TACR1: variants seen among roughly 807,000 people sequenced by gnomAD.
TACR1 encodes tachykinin receptor 1.
In TACR1, 25 loss-of-function variants were observed where a neutral mutation model predicts 35.8. That is an observed-to-expected ratio of 0.70 (90% confidence interval 0.51 to 0.98). TACR1 has a LOEUF of 0.98. Ranked by LOEUF, TACR1 falls within the 50% of genes least tolerant of loss-of-function variation. TACR1 has a pLI of 0.00. For synonymous variants in TACR1, 195 were observed against 206.7 expected, an observed-to-expected ratio of 0.94 and a Z score of 0.48; for missense variants, 478 against 522.9, an observed-to-expected ratio of 0.91 and a Z score of 0.84.
intron 1 of TACR1, among the ~76,000 whole-genome samples, chr2:75,164,098 C>T (rs560040365): frequency 1.2e-4 from 19 of 152,110 alleles, no homozygotes; most frequent in African/African-American, 4.1e-4. Context: ...GAGGCCGAGG[C>T]GGATGGTTCA....
intron 2 of TACR1, among the ~76,000 whole-genome samples, chr2:75,088,416 C>A (rs1673229740): frequency 6.6e-6 from 1 of 152,154 alleles, no homozygotes; most frequent in African/African-American, 2.4e-5. Flanking sequence ...TATCAAAGTG[C>A]TTATCACAGC....
intron 1 of TACR1, among the ~76,000 whole-genome samples, chr2:75,178,952 A>T (rs1247509712): frequency 6.6e-6 from 1 of 152,154 alleles, no homozygotes; most frequent in Non-Finnish European, 1.5e-5. Context: ...GGGTGATTGT[A>T]TACAGTCCTA....
At chr2:75,101,117 A>C (rs1673526929) in intron 2 of TACR1, among the ~76,000 whole-genome samples, 1 of 152,176 alleles carries the variant, frequency 6.6e-6, no homozygotes. Context: ...GGACAAGTTG[A>C]TTATTCACTG....
At chr2:75,156,079 C>CA (rs1301602965) in intron 1 of TACR1, 1 of 152,242 alleles carries the variant, frequency 6.6e-6, no homozygotes, top group Non-Finnish European at 1.5e-5. Context: ...TATTTGTTTA[C>CA]ATATTGTCTA....
chr2:75,131,954 G>A (rs933528220), intron 1 of TACR1, among the ~76,000 whole-genome samples: 16 of 152,092 alleles, frequency 1.1e-4, no homozygotes, highest in Non-Finnish European at 1.6e-4. Flanking sequence ...TTGGCAAGTT[G>A]CAATTTCTCA....
intron 1 of TACR1, among the ~76,000 whole-genome samples, chr2:75,182,091 G>C (rs948596905): frequency 1.3e-5 from 2 of 152,236 alleles, no homozygotes; most frequent in Non-Finnish European, 2.9e-5. Flanking sequence ...CTAAGGATTA[G>C]ACAGGGCTTG....
At chr2:75,138,116 G>A (rs1360994219) in intron 1 of TACR1, among the ~76,000 whole-genome samples, 1 of 152,210 alleles carries the variant, frequency 6.6e-6, no homozygotes, top group Non-Finnish European at 1.5e-5. Context: ...GGGGTTCGTG[G>A]ATATGCAGCA....
intron 3 of TACR1, 56 bp from the exon 4 acceptor site, chr2:75,051,503 G>A: frequency 6.2e-7 from 1 of 1,600,472 alleles, no homozygotes; most frequent in Non-Finnish European, 8.5e-7. Context: ...TCTCACGGCT[G>A]CTTCCTCTCT....
At chr2:75,197,954 A>T (rs946672530) in intron 1 of TACR1, among the ~76,000 whole-genome samples, 21 of 152,178 alleles carry the variant, frequency 1.4e-4, no homozygotes, top group African/African-American at 5.1e-4. Flanking sequence ...TACTGATGAA[A>T]TGCTCTTTCA....
intron 2 of TACR1, among the ~76,000 whole-genome samples, chr2:75,066,620 T>C (rs3771809): frequency 0.25 from 38,421 of 152,142 alleles, 5,952 homozygotes; most frequent in African/African-American, 0.4. Context: ...CAGCCTGTTC[T>C]TGTCTTGAAC....
chr2:75,145,653 T>C (rs1045841129), intron 1 of TACR1, among the ~76,000 whole-genome samples: 3 of 152,202 alleles, frequency 2.0e-5, no homozygotes, highest in African/African-American at 7.2e-5. Context: ...AAACACGTAC[T>C]GAAATATGTG....
At chr2:75,168,439 G>T (rs184943959) in intron 1 of TACR1, among the ~76,000 whole-genome samples, 163 of 152,334 alleles carry the variant, frequency 1.1e-3, no homozygotes, top group African/African-American at 3.8e-3. Context: ...TCCTAGAGAG[G>T]CATGGTAGCA....
At chr2:75,163,045 T>A (rs1382862872) in intron 1 of TACR1, among the ~76,000 whole-genome samples, 2 of 152,224 alleles carry the variant, frequency 1.3e-5, no homozygotes, top group African/African-American at 2.4e-5. Flanking sequence ...TGTGTGCCAC[T>A]TCCTGGCTAA....
intron 1 of TACR1, among the ~76,000 whole-genome samples, chr2:75,191,497 A>G (rs766699419): frequency 2.6e-5 from 4 of 152,094 alleles, no homozygotes; most frequent in Non-Finnish European, 5.9e-5. Flanking sequence ...TGGTAATGAT[A>G]AGCACCTCCT....
At chr2:75,141,746 A>G (rs1041465240) in intron 1 of TACR1, among the ~76,000 whole-genome samples, 1 of 152,184 alleles carries the variant, frequency 6.6e-6, no homozygotes, top group East Asian at 1.9e-4. Context: ...ATGTGCTCAA[A>G]ATGTGTTACA....
At chr2:75,088,656 C>G (rs2103848154) in intron 2 of TACR1, among the ~76,000 whole-genome samples, 1 of 152,204 alleles carries the variant, frequency 6.6e-6, no homozygotes, top group South Asian at 2.1e-4. Flanking sequence ...ATTTCTCTGT[C>G]CTCTCCTCCT....
chr2:75,112,542 A>G (rs557196210), intron 2 of TACR1, among the ~76,000 whole-genome samples: 2 of 152,228 alleles, frequency 1.3e-5, no homozygotes, highest in East Asian at 1.9e-4. Flanking sequence ...GCCGTCCAGT[A>G]AAGTCTAAAT....
At chr2:75,115,651 A>G (rs1673838455) in intron 2 of TACR1, among the ~76,000 whole-genome samples, 2 of 152,174 alleles carry the variant, frequency 1.3e-5, no homozygotes, top group Non-Finnish European at 2.9e-5. Context: ...TCACGCCTGT[A>G]ATCCCAGCAC....
intron 2 of TACR1, among the ~76,000 whole-genome samples, chr2:75,118,342 G>A (rs563738030): frequency 6.6e-6 from 1 of 152,192 alleles, no homozygotes; most frequent in East Asian, 1.9e-4. Flanking sequence ...ATTTACTATT[G>A]TATCAATAAA....
Sources: gnomAD v4.1 joint callset for allele counts (sites outside exome capture counted in the v4.1 genomes callset) on GRCh38, gnomAD v4.1.1 for gene constraint, MANE v1.5 for transcripts, NCBI Gene and HGNC (gene_info 2026-07-23, HGNC 2026-07-21) for gene names.